TBKBP1: variants seen among roughly 807,000 people sequenced by gnomAD.
TBKBP1 encodes the protein TANK-binding kinase 1-binding protein 1.
Under a neutral mutation model 69.9 loss-of-function variants are expected in TBKBP1, and 47 were observed. That is an observed-to-expected ratio of 0.67 (90% CI 0.53 to 0.86). The LOEUF (loss-of-function observed/expected upper bound fraction) is 0.86, where lower values mean the gene tolerates loss of function less well. Among genes scored for constraint, TBKBP1 ranks in the 40% least tolerant of loss-of-function variants. The pLI is 0.00. For synonymous variants in TBKBP1, 418 were observed against 390.3 expected, an observed-to-expected ratio of 1.07 and a Z score of -0.84; for missense variants, 831 against 858.6, an observed-to-expected ratio of 0.97 and a Z score of 0.40.
intron 7 of TBKBP1, among the ~76,000 whole-genome samples, chr17:47,701,802 T>C (rs55824447): frequency 0.017 from 2,631 of 152,248 alleles, 42 homozygotes; most frequent in Non-Finnish European, 0.027. Context: ...AGCAGCCCCT[T>C]CCCTCTCTCT....
chr17:47,696,878 G>A, intron 3 of TBKBP1, 45 bp downstream of exon 3: 1 of 1,605,022 alleles, frequency 6.2e-7, no homozygotes, highest in Non-Finnish European at 8.5e-7. Flanking sequence ...TCTTGCTCCA[G>A]TCTGTTTCTG....
chr17:47,702,919 C>T (rs1021228797), intron 7 of TBKBP1, among the ~76,000 whole-genome samples: 1 of 151,276 alleles, frequency 6.6e-6, no homozygotes, highest in South Asian at 2.1e-4. Context: ...GGCCCAGCTC[C>T]CCAGCCTGGG....
At chr17:47,699,234 C>G in intron 5 of TBKBP1, 86 bp from the exon 6 acceptor site, 1 of 1,371,862 alleles carries the variant, frequency 7.3e-7, no homozygotes, top group Non-Finnish European at 9.5e-7. Flanking sequence ...CTTGGAGTCC[C>G]CATGCTGCAT....
chr17:47,699,799 T>C, intron 7 of TBKBP1, 102 bp downstream of exon 7: 1 of 1,334,930 alleles, frequency 7.5e-7, no homozygotes, highest in African/African-American at 1.5e-5. Context: ...TCTGTGTGCA[T>C]CCTTCATAGG....
At position 47,708,975 on chromosome 17, in the gene TBKBP1, T is replaced by A; in HGVS notation, c.1242T>A (p.Arg414=). ...GCCAGTCCCCCAGCCCGCAGCGCCG[T>A]TCCCCGGTGCCCCCCAGCTGCCCGG... is the stretch of plus-strand genomic sequence containing the variant. The part of the protein sequence containing the change: ...PSCQSPSPQR[R]SPVPPSCPAP... Residue 414 remains arginine (R), a synonymous_variant, in exon 9 of 10, where the codon CGT becomes CGA. Coordinates refer to ENST00000578982, the MANE Select transcript of TBKBP1 (RefSeq NM_001394755.1). The surrounding 1 kb of genome is among the most constrained non-coding windows in gnomAD (Gnocchi z 4.4). The A allele has an allele frequency of 8.9e-7, 1 of 1,126,256 alleles. No individual in the cohort carries two copies. The highest frequency in any genetic ancestry group is 1.1e-6 in the Non-Finnish European group (1 of 922,472). 69.8% of individuals were successfully genotyped at this position (1,126,256 alleles called of 1,614,324 possible). A position where few individuals can be genotyped will look rare whatever the true frequency, so the allele number is the denominator to read the frequency against.
Position 47,704,432 on chromosome 17 carries a change from C to A in TBKBP1, c.873-3962C>A, listed in dbSNP as rs1275545554. 3.3e-5 allele frequency among the ~76,000 whole-genome samples: 5 copies of A among 152,206 alleles called. No individual in the cohort carries two copies. The East Asian group carries it at 9.6e-4, about 29-fold the overall frequency. On this transcript the variant is annotated intron_variant, in intron 7 of 9. Transcript: ENST00000578982. ...TGCCTGTGGTCCCCTCCCCGAGGGT[C>A]GGGCGGGAAGACTGATGCTGGGTGT...
At chr17:47,703,210 C>G (rs948733270) in intron 7 of TBKBP1, among the ~76,000 whole-genome samples, 14 of 152,124 alleles carry the variant, frequency 9.2e-5, no homozygotes, top group South Asian at 2.1e-4. Flanking sequence ...CACCTCCCCC[C>G]CCACCCCTCT....
intron 7 of TBKBP1, among the ~76,000 whole-genome samples, chr17:47,703,488 A>G (rs1249688884): frequency 6.6e-6 from 1 of 152,106 alleles, no homozygotes; most frequent in Non-Finnish European, 1.5e-5. Flanking sequence ...ACAGGAGTTA[A>G]CCCCTGAGCA....
At chr17:47,706,828 GACACACACAC>G (rs55849029) in intron 7 of TBKBP1, among the ~76,000 whole-genome samples, 74 of 134,220 alleles carry the variant, frequency 5.5e-4, no homozygotes, top group East Asian at 2.0e-3. Flanking sequence ...GTTAGACTTA[GACACACACAC>G]ACACACACAC....
rs1448239257 is a variant in TBKBP1, at chr17:47,699,430, C to A, written c.745C>A (p.Gln249Lys). Residue 249 changes from glutamine (Q) to lysine (K), a missense_variant, in exon 6 of 10, where the codon CAG becomes AAG. Physicochemically the swap from Gln to Lys is moderately conservative, Grantham distance 53. Transcript: ENST00000578982. ...EARGAQLREEQLQAECERLQG... is the reference protein window; with the variant it reads ...EARGAQLREEKLQAECERLQG... ...CCGGGGGGCTCAGCTCCGGGAGGAG[C>A]AGCTCCAGGCCGAGTGCGAGCGGCT... is the stretch of plus-strand genomic sequence containing the variant. 3.2e-6 allele frequency: 5 copies of A among 1,567,356 alleles called. No homozygotes were observed. Among genetic ancestry groups the A allele is most frequent in the Middle Eastern group, 2.1e-4 (1 of 4,840 alleles).
In TBKBP1 at chr17:47,696,238, T is replaced by A; in HGVS notation, c.126T>A (p.Phe42Leu). 2 of 1,613,712 alleles carry A rather than the reference T, an allele frequency of 1.2e-6. No homozygotes were observed. The highest frequency in any genetic ancestry group is 1.7e-6 in the Non-Finnish European group (2 of 1,179,840). The change falls in exon 2 of 10, where the codon TTT becomes TTA. Residue 42 changes from phenylalanine to leucine, a missense_variant. Phe to Leu is a conservative substitution (Grantham distance 22, BLOSUM62 0). Transcript: ENST00000578982. ...GCGACATGTGCTCCGCCTCCCACTT[T>A]GCCCTCATCACTGCTTACGGAGACA... The part of the protein sequence containing the change: ...LGGDMCSASH[F>L]ALITAYGDIK...
Position 47,708,773 on chromosome 17 carries a change from G to GGGC in TBKBP1, c.1040_1041insGGC (p.Cys347delinsTrpAla). On this transcript the variant is annotated protein_altering_variant, in exon 9 of 10. Coordinates refer to ENST00000578982, the MANE Select transcript of TBKBP1 (RefSeq NM_001394755.1). The surrounding 1 kb of genome is among the most constrained non-coding windows in gnomAD (Gnocchi z 4.4). ...CAACGCCACTCCCCGGCCCCCCAGT[G>GGGC]CCCCTCCCCCTCCCCGCCTGCCCGA... is the stretch of plus-strand genomic sequence containing the variant. 1.1e-6 allele frequency: 1 copy of GGGC among 881,984 alleles called. No homozygotes were observed. The highest frequency in any genetic ancestry group is 1.6e-6 in the Non-Finnish European group (1 of 612,608). The allele number at this position is 881,984 out of a possible 1,614,324, so 54.6% of individuals were successfully genotyped here. A position where few individuals can be genotyped will look rare whatever the true frequency, so the allele number is the denominator to read the frequency against.
At position 47,708,291 on chromosome 17, in the gene TBKBP1, A is replaced by T; in HGVS notation, c.873-103A>T. On this transcript the variant is annotated intron_variant, in intron 7 of 9. Coordinates refer to ENST00000578982, the MANE Select transcript of TBKBP1 (RefSeq NM_001394755.1). The surrounding 1 kb of genome is among the most constrained non-coding windows in gnomAD (Gnocchi z 4.4). ...TAGGAGGGCCCTGCGGGTGGGAGGG[A>T]GCATGGTGGGGCCAGATGCTGGGGT... 8.1e-7 allele frequency: 1 copy of T among 1,231,272 alleles called. No individual in the cohort carries two copies. The highest frequency in any genetic ancestry group is 1.5e-5 in the African/African-American group (1 of 67,224). The allele number at this position is 1,231,272 out of a possible 1,614,324, so 76.3% of individuals were successfully genotyped here.
Position 47,708,630 on chromosome 17 carries a change from G to C in TBKBP1, c.992-95G>C, listed in dbSNP as rs888011936. On this transcript the variant is annotated intron_variant, in intron 8 of 9. Coordinates refer to ENST00000578982, the MANE Select transcript of TBKBP1 (RefSeq NM_001394755.1). This position sits in a 1 kb window ranked among gnomAD's most constrained non-coding sequence, Gnocchi z 4.4. ...ATTTCCTTTCCTGTGGCCTGGAGTT[G>C]GTGGGCATGGGTCCGGGCAAGCCCC... The C allele has an allele frequency of 3.5e-6, 5 of 1,414,916 alleles. No homozygotes were observed. The highest frequency in any genetic ancestry group is 1.8e-4 in the Middle Eastern group (1 of 5,628). 87.6% of individuals were successfully genotyped at this position (1,414,916 alleles called of 1,614,324 possible). A position where few individuals can be genotyped will look rare whatever the true frequency, so the allele number is the denominator to read the frequency against.
intron 7 of TBKBP1, among the ~76,000 whole-genome samples, chr17:47,700,476 C>G (rs927175030): frequency 8.6e-5 from 13 of 151,626 alleles, no homozygotes; most frequent in Admixed American, 5.2e-4. Flanking sequence ...GTGACACTTA[C>G]TCGGCTGCTT....
chr17:47,703,611 C>T (rs1259187391), intron 7 of TBKBP1, among the ~76,000 whole-genome samples: 3 of 152,160 alleles, frequency 2.0e-5, no homozygotes, highest in Admixed American at 6.5e-5. Flanking sequence ...CTCATGCCAG[C>T]GCCCCCTCCC....
chr17:47,696,396 G>T lies in TBKBP1; in HGVS notation c.225+59G>T, dbSNP rs181300243. On this transcript the variant is annotated intron_variant, in intron 2 of 9. Coordinates refer to ENST00000578982, the MANE Select transcript of TBKBP1 (RefSeq NM_001394755.1). ...TGTATGGGATGGGGAGGGGGACTGGGAATCTGGTAGATACCAGGGATCCAA... is the reference window on the plus strand; with the variant it reads ...TGTATGGGATGGGGAGGGGGACTGGTAATCTGGTAGATACCAGGGATCCAA... 4.9e-5 allele frequency: 76 copies of T among 1,551,786 alleles called. No individual in the cohort carries two copies. In the African/African-American group the frequency reaches 9.8e-4, roughly 20 times the overall value.
At chr17:47,703,988 A>T (rs1392282575) in intron 7 of TBKBP1, among the ~76,000 whole-genome samples, 1 of 152,148 alleles carries the variant, frequency 6.6e-6, no homozygotes, top group South Asian at 2.1e-4. Context: ...TCAGGTAGAA[A>T]GCCCTTATAT....
chr17:47,694,587 C>T (rs1411435253), intron 1 of TBKBP1: 2 of 152,242 alleles, frequency 1.3e-5, no homozygotes, highest in Non-Finnish European at 2.9e-5. Context: ...GGCACTCACC[C>T]CTTCCCCAGC....
Sources: gnomAD v4.1 joint callset for allele counts (sites outside exome capture counted in the v4.1 genomes callset) on GRCh38, gnomAD v4.1.1 for gene constraint, Gnocchi (gnomAD v3.1) non-coding constraint, MANE v1.5 for transcripts, NCBI Gene and HGNC (gene_info 2026-07-23, HGNC 2026-07-21) for gene names.